The following C10orf90 variants were observed in gnomAD, a reference collection of about 807,000 sequenced individuals.
The protein encoded by C10orf90 is (E2-independent) E3 ubiquitin-conjugating enzyme FATS.
Under a neutral mutation model 62.5 loss-of-function variants are expected in C10orf90, and 56 were observed. The ratio of observed to expected loss-of-function variants is 0.90; its 90% CI spans 0.72 to 1.12. The LOEUF (loss-of-function observed/expected upper bound fraction) is 1.12, where lower values mean the gene tolerates loss of function less well. Ranked by LOEUF, C10orf90 falls within the 50% of genes most tolerant of loss-of-function variation. The pLI, the probability that C10orf90 is intolerant of heterozygous loss-of-function variation, is 0.00. For missense variants in C10orf90, 970 were observed against 880.4 expected (o/e 1.10, Z -1.29); for synonymous variants, 386 against 340.4 (o/e 1.13, Z -1.47).
intron 2 of C10orf90, among the ~76,000 whole-genome samples, chr10:126,580,585 G>A (rs370101615): frequency 6.0e-5 from 9 of 151,196 alleles, no homozygotes; most frequent in African/African-American, 2.2e-4. Context: ...CCTGGGAGGC[G>A]GAGCTTGCAG....
At chr10:126,472,106 CA>C (rs1283016506) in intron 4 of C10orf90, among the ~76,000 whole-genome samples, 1 of 152,184 alleles carries the variant, frequency 6.6e-6, no homozygotes, top group African/African-American at 2.4e-5. Flanking sequence ...CCTTTATCCC[CA>C]AAGCATGGCT....
chr10:126,649,821 G>T (rs1415847726), intron 1 of C10orf90, among the ~76,000 whole-genome samples: 1 of 152,218 alleles, frequency 6.6e-6, no homozygotes, highest in African/African-American at 2.4e-5. Flanking sequence ...CCCAGAGGTT[G>T]CTGGGAGCAG....
At chr10:126,618,070 G>C (rs909449070) in intron 2 of C10orf90, among the ~76,000 whole-genome samples, 19 of 152,274 alleles carry the variant, frequency 1.2e-4, no homozygotes, top group African/African-American at 4.6e-4. Context: ...AGGGAATAGG[G>C]CTCCCTCACC....
chr10:126,448,034 T>A (rs902575773), intron 7 of C10orf90, among the ~76,000 whole-genome samples: 31 of 143,506 alleles, frequency 2.2e-4, no homozygotes, highest in African/African-American at 8.2e-4. Context: ...TTTTTTTTTT[T>A]TTTTTTTTTG....
At chr10:126,426,713 C>A (rs1385132605) in intron 8 of C10orf90, among the ~76,000 whole-genome samples, 2 of 152,174 alleles carry the variant, frequency 1.3e-5, no homozygotes, top group African/African-American at 4.8e-5. Context: ...TCATTATAAT[C>A]CACTGACACA....
chr10:126,508,856 C>T (rs1370953804), intron 3 of C10orf90, among the ~76,000 whole-genome samples: 1 of 152,158 alleles, frequency 6.6e-6, no homozygotes, highest in Non-Finnish European at 1.5e-5. Flanking sequence ...ACCATGACAC[C>T]CATGAGATTG....
At chr10:126,666,591 C>T (rs546446604) in intron 1 of C10orf90, among the ~76,000 whole-genome samples, 35 of 152,226 alleles carry the variant, frequency 2.3e-4, no homozygotes, top group Non-Finnish European at 4.3e-4. Flanking sequence ...AAGTGTTCTT[C>T]CTTGTTTGTC....
Position 126,425,993 on chromosome 10 carries a change from T to A in C10orf90, c.2350A>T (p.Lys784Ter), listed in dbSNP as rs1857238778. The change falls in exon 9 of 10, where the codon AAG becomes TAG. Residue 784 changes from lysine (K) to a stop codon, truncating the protein, a stop_gained and splice_region_variant. Coordinates refer to ENST00000488181, the MANE Select transcript of C10orf90 (RefSeq NM_001350921.2). LOFTEE classifies it high-confidence loss of function. Reference sequence around the variant, plus strand: ...CCTGCTGGTGACGAGGCCATTACCTTTTTGAAGACTTCGGCACGGAGTCTG... The same window carrying A: ...CCTGCTGGTGACGAGGCCATTACCTATTTGAAGACTTCGGCACGGAGTCTG... ...SNRLRAEVFK[K>*]QLLDQLLQRN... The A allele has an allele frequency of 6.2e-7, 1 of 1,614,174 alleles. No individual in the cohort carries two copies. The highest frequency in any genetic ancestry group is 1.7e-5 in the Admixed American group (1 of 60,022).
At position 126,633,745 on chromosome 10, in the gene C10orf90, T is replaced by C. The variant is rs145396089; in HGVS notation, c.313+12820A>G. On this transcript the variant is annotated intron_variant, in intron 2 of 9. Transcript: ENST00000488181. Reference sequence around the variant, plus strand: ...ACTCTATTTCCCTCTTCCCAACCTCTCTGCTTCCCCCAACACGCAGGAAAC... The same window carrying C: ...ACTCTATTTCCCTCTTCCCAACCTCCCTGCTTCCCCCAACACGCAGGAAAC... 4.7e-3 allele frequency among the ~76,000 whole-genome samples: 717 copies of C among 152,292 alleles called. 4 individuals are homozygous for C. The highest frequency in any genetic ancestry group is 7.3e-3 in the Non-Finnish European group (497 of 67,996).
intron 4 of C10orf90, among the ~76,000 whole-genome samples, chr10:126,466,319 C>T (rs1051528265): frequency 6.6e-6 from 1 of 151,980 alleles, no homozygotes; most frequent in African/African-American, 2.4e-5. Flanking sequence ...CGAGACCATC[C>T]TGGCTAACAC....
chr10:126,616,838 A>C (rs918290632), intron 2 of C10orf90, among the ~76,000 whole-genome samples: 1 of 152,162 alleles, frequency 6.6e-6, no homozygotes, highest in African/African-American at 2.4e-5. Flanking sequence ...GAAAAATAAC[A>C]GTAAGTCTTC....
At position 126,434,414 on chromosome 10, in the gene C10orf90, T is replaced by A. The variant is rs528238239; in HGVS notation, c.2189-4564A>T. On this transcript the variant is annotated intron_variant, in intron 7 of 9. Coordinates refer to ENST00000488181, the MANE Select transcript of C10orf90 (RefSeq NM_001350921.2). ...CTTATCTACAGCTCTGATTGCAAAC[T>A]TCATTTTCCCTACTGAAGAGGTAAT... is the stretch of plus-strand genomic sequence containing the variant. Among the ~76,000 whole-genome samples the A allele has an allele frequency of 9.2e-5, 14 of 152,324 alleles. No individual in the cohort carries two copies. The East Asian group carries it at 1.7e-3, about 19-fold the overall frequency.
At chr10:126,505,862 G>A (rs1221271749) in intron 3 of C10orf90, among the ~76,000 whole-genome samples, 1 of 152,214 alleles carries the variant, frequency 6.6e-6, no homozygotes, top group Non-Finnish European at 1.5e-5. Flanking sequence ...GCTGAGGCAG[G>A]AGAATCGCTT....
At chr10:126,666,783 C>T (rs1846636390) in intron 1 of C10orf90, among the ~76,000 whole-genome samples, 1 of 151,812 alleles carries the variant, frequency 6.6e-6, no homozygotes, top group African/African-American at 2.4e-5. Flanking sequence ...TCGAGACCAG[C>T]CTGGCCAATA....
chr10:126,586,377 C>G (rs1241326830), intron 2 of C10orf90, among the ~76,000 whole-genome samples: 1 of 152,172 alleles, frequency 6.6e-6, no homozygotes, highest in Non-Finnish European at 1.5e-5. Context: ...GCGTTTGCAA[C>G]GCCAAGACGG....
At chr10:126,505,209 G>C in intron 3 of C10orf90, 124 bp from the exon 4 acceptor site, 1 of 969,872 alleles carries the variant, frequency 1.0e-6, no homozygotes, top group Non-Finnish European at 1.5e-6. Context: ...TCTTGTCCAA[G>C]GCTTTTTACT....
At chr10:126,606,910 C>T (rs1334560040) in intron 2 of C10orf90, among the ~76,000 whole-genome samples, 11 of 152,252 alleles carry the variant, frequency 7.2e-5, no homozygotes, top group African/African-American at 2.6e-4. Flanking sequence ...AGAGTCATGG[C>T]AATGACCCAT....
rs191189301 is a variant in C10orf90 at position 126,488,341 on chromosome 10, T to C, written c.1534+15616A>G. On this transcript the variant is annotated intron_variant, in intron 4 of 9. Transcript: ENST00000488181. ...TATGCAGAAAATATTTTGAGATGAA[T>C]AAAAATGAAAACAATACATACCAAA... is the stretch of plus-strand genomic sequence containing the variant. Among the ~76,000 whole-genome samples the C allele has an allele frequency of 1.2e-4, 19 of 152,090 alleles. No homozygotes were observed. The East Asian group carries it at 3.7e-3, about 29-fold the overall frequency.
chr10:126,568,917 T>G (rs1198380784), intron 2 of C10orf90, among the ~76,000 whole-genome samples: 1 of 151,760 alleles, frequency 6.6e-6, no homozygotes, highest in African/African-American at 2.4e-5. Context: ...ACAAGGAGGT[T>G]TAGGGCACCT....
Sources: gnomAD v4.1 joint callset for allele counts (sites outside exome capture counted in the v4.1 genomes callset) on GRCh38, gnomAD v4.1.1 for gene constraint, MANE v1.5 for transcripts, NCBI Gene and HGNC (gene_info 2026-07-23, HGNC 2026-07-21) for gene names.